The following PTPRD variants were observed in gnomAD, a reference collection of about 807,000 sequenced individuals.
PTPRD encodes the protein protein tyrosine phosphatase receptor type D, also known as receptor-type tyrosine-protein phosphatase delta.
In PTPRD, 34 loss-of-function variants were observed where a neutral mutation model predicts 214.5. That is an observed-to-expected ratio of 0.16 (90% CI 0.12 to 0.21). The LOEUF is 0.21. Among genes scored for constraint, PTPRD ranks in the 10% least tolerant of loss-of-function variants. The probability of loss-of-function intolerance (pLI) is 1.00; values close to 1 mark genes in which losing one functional copy is unlikely to be tolerated. For missense variants in PTPRD, 2,545 were observed against 2,398.7 expected (o/e 1.06, Z -1.27); for synonymous variants, 1,128 against 845.7 (o/e 1.33, Z -5.79).
chr9:9,324,886 A>C (rs545718924), intron 9 of PTPRD, among the ~76,000 whole-genome samples: 92 of 152,274 alleles, frequency 6.0e-4, no homozygotes, highest in Admixed American at 5.9e-4. Flanking sequence ...TAAGGAAGGG[A>C]TCCAGTTTCA....
At chr9:9,635,257 G>A (rs1328050044) in intron 7 of PTPRD, among the ~76,000 whole-genome samples, 1 of 152,112 alleles carries the variant, frequency 6.6e-6, no homozygotes, top group African/African-American at 2.4e-5. Context: ...AAAGTACATT[G>A]AGAGCATACT....
At chr9:10,125,793 A>G (rs1277247161) in intron 3 of PTPRD, among the ~76,000 whole-genome samples, 2 of 152,076 alleles carry the variant, frequency 1.3e-5, no homozygotes, top group African/African-American at 2.4e-5. Context: ...CTTTTTAAAA[A>G]ATATTTTAGT....
At chr9:8,688,134 G>A (rs1008047634) in intron 12 of PTPRD, among the ~76,000 whole-genome samples, 2 of 152,130 alleles carry the variant, frequency 1.3e-5, no homozygotes, top group Non-Finnish European at 1.5e-5. Flanking sequence ...TTACAATGCT[G>A]AATAAATGTA....
intron 10 of PTPRD, among the ~76,000 whole-genome samples, chr9:9,048,497 T>C (rs1295269376): frequency 6.6e-6 from 1 of 152,174 alleles, no homozygotes; most frequent in Non-Finnish European, 1.5e-5. Flanking sequence ...ATCTTGTGAT[T>C]TGTGAAAACG....
Position 10,073,846 on chromosome 9 carries a change from G to A in PTPRD, c.-544-40056C>T, listed in dbSNP as rs796763196. 4.6e-5 allele frequency among the ~76,000 whole-genome samples: 7 copies of A among 152,144 alleles called. 1 individual carries two copies. Among genetic ancestry groups the A allele is most frequent in the African/African-American group, 1.7e-4 (7 of 41,532 alleles). ...AGTGAACTACTATACTGGGTTCTGAGAATTTTTGAAAGATTTTTCAAAAAG... is the reference window on the plus strand; with the variant it reads ...AGTGAACTACTATACTGGGTTCTGAAAATTTTTGAAAGATTTTTCAAAAAG... On this transcript the variant is annotated intron_variant, in intron 3 of 45. Coordinates refer to ENST00000381196, the MANE Select transcript of PTPRD (RefSeq NM_002839.4).
intron 3 of PTPRD, among the ~76,000 whole-genome samples, chr9:10,129,251 G>A (rs1281479633): frequency 1.3e-5 from 2 of 152,048 alleles, no homozygotes; most frequent in African/African-American, 2.4e-5. Context: ...ATCATTGACA[G>A]ACTTCACAAA....
At chr9:8,925,528 A>G (rs201132672) in intron 11 of PTPRD, among the ~76,000 whole-genome samples, 1 of 115,892 alleles carries the variant, frequency 8.6e-6, no homozygotes, top group Non-Finnish European at 2.2e-5. Context: ...AACAAACAAA[A>G]AAAACCAACT....
chr9:10,340,106 A>G lies in PTPRD; in HGVS notation c.-545+857T>C, dbSNP rs1597479327. On this transcript the variant is annotated intron_variant, in intron 3 of 45. Transcript: ENST00000381196. ...AAAAATGCTAATTACTTGTTCAATA[A>G]TTATTTCATACTACAAGAGTTAAAG... is the stretch of plus-strand genomic sequence containing the variant. Among the ~76,000 whole-genome samples the G allele has an allele frequency of 2.0e-5, 3 of 151,996 alleles. No individual in the cohort carries two copies. In the South Asian group the frequency reaches 6.2e-4, roughly 32 times the overall value.
intron 18 of PTPRD, chr9:8,524,680 G>C (rs563144409): frequency 6.8e-6 from 4 of 586,506 alleles, no homozygotes; most frequent in East Asian, 6.1e-5. Flanking sequence ...TAGAAACCAA[G>C]ATGTAAAAAT....
At chr9:10,204,382 C>T (rs1412720249) in intron 3 of PTPRD, among the ~76,000 whole-genome samples, 1 of 152,098 alleles carries the variant, frequency 6.6e-6, no homozygotes, top group East Asian at 1.9e-4. Flanking sequence ...GAAAAATCCT[C>T]TAAATACATA....
intron 7 of PTPRD, among the ~76,000 whole-genome samples, chr9:9,676,909 C>G (rs908316664): frequency 1.3e-5 from 2 of 152,088 alleles, no homozygotes; most frequent in Non-Finnish European, 2.9e-5. Context: ...TGTTTTTTGG[C>G]TGCATGAATG....
chr9:10,145,545 G>GA (rs2099016398), intron 3 of PTPRD, among the ~76,000 whole-genome samples: 1 of 151,970 alleles, frequency 6.6e-6, no homozygotes, highest in Non-Finnish European at 1.5e-5. Flanking sequence ...ATAATATATA[G>GA]AACATACAAA....
intron 3 of PTPRD, among the ~76,000 whole-genome samples, chr9:10,338,147 G>A (rs528761234): frequency 5.6e-4 from 85 of 151,706 alleles, no homozygotes; most frequent in African/African-American, 2.0e-3. Context: ...ACTGGGTCTT[G>A]CTAGCAGTAT....
intron 3 of PTPRD, among the ~76,000 whole-genome samples, chr9:10,145,591 G>T (rs2099016654): frequency 6.6e-6 from 1 of 151,974 alleles, no homozygotes; most frequent in African/African-American, 2.4e-5. Flanking sequence ...TATCAGTAAG[G>T]CTTCTAGTCA....
intron 3 of PTPRD, among the ~76,000 whole-genome samples, chr9:10,191,986 T>A (rs141598740): frequency 6.6e-4 from 100 of 152,284 alleles, no homozygotes; most frequent in African/African-American, 2.4e-3. Context: ...CAGGTACTGG[T>A]TGAATTATTA....
chr9:9,922,657 T>C (rs1478340184), intron 5 of PTPRD, among the ~76,000 whole-genome samples: 1 of 151,798 alleles, frequency 6.6e-6, no homozygotes, highest in East Asian at 1.9e-4. Flanking sequence ...AAAAAATGAA[T>C]GCTATAAAAA....
intron 12 of PTPRD, among the ~76,000 whole-genome samples, chr9:8,684,269 T>C (rs953041150): frequency 1.3e-5 from 2 of 152,188 alleles, no homozygotes; most frequent in Non-Finnish European, 1.5e-5. Context: ...AAACAAGTAT[T>C]ATGTCCCAAG....
intron 9 of PTPRD, among the ~76,000 whole-genome samples, chr9:9,194,461 G>A (rs537300103): frequency 6.6e-5 from 10 of 152,002 alleles, no homozygotes; most frequent in South Asian, 2.1e-4. Flanking sequence ...CACCAGCATC[G>A]CCACAAACAT....
chr9:9,886,589 T>C lies in PTPRD; in HGVS notation c.-368+51918A>G, dbSNP rs113092498. Among the ~76,000 whole-genome samples, 244 of 152,242 alleles carry C rather than the reference T, an allele frequency of 1.6e-3. 4 individuals are homozygous for C. Among genetic ancestry groups the C allele is most frequent in the African/African-American group, 5.7e-3 (237 of 41,552 alleles). ...TTCTATCTCAGAAGAAATTCTACAA[T>C]GTGATCTTGACAGTTCTGTCATTGA... On this transcript the variant is annotated intron_variant, in intron 5 of 45. Coordinates refer to ENST00000381196, the MANE Select transcript of PTPRD (RefSeq NM_002839.4).
Sources: allele counts gnomAD v4.1 joint callset (sites outside exome capture counted in the v4.1 genomes callset), GRCh38; gene constraint gnomAD v4.1.1; transcripts MANE v1.5; gene names NCBI Gene and HGNC (gene_info 2026-07-23, HGNC 2026-07-21).